The following CCNY variants were observed in gnomAD, a reference collection of about 807,000 sequenced individuals.
The protein encoded by CCNY is cyclin-Y.
In CCNY, 19 loss-of-function variants were observed where a neutral mutation model predicts 42.8. That is an observed-to-expected ratio of 0.44 (90% confidence interval 0.31 to 0.65). CCNY has a LOEUF of 0.65. CCNY is among the 30% of genes least tolerant of loss of function. The pLI is 0.07. For synonymous variants in CCNY, 165 were observed against 162.7 expected, an observed-to-expected ratio of 1.01 and a Z score of -0.11; for missense variants, 370 against 437.3, an observed-to-expected ratio of 0.85 and a Z score of 1.37.
chr10:35,392,240 TTTA>T (rs1226872271), intron 1 of CCNY, among the ~76,000 whole-genome samples: 6 of 152,190 alleles, frequency 3.9e-5, no homozygotes, highest in Admixed American at 2.6e-4. Context: ...TCTGTGGAGT[TTTA>T]TTAACTCATT....
chr10:35,333,332 T>A (rs928563249), upstream of CCNY, among the ~76,000 whole-genome samples: 4 of 152,196 alleles, frequency 2.6e-5, no homozygotes, highest in African/African-American at 4.8e-5. Context: ...AGGTTATTTC[T>A]GCATATGGCT....
intron 2 of CCNY, among the ~76,000 whole-genome samples, chr10:35,484,083 A>C (rs1335849035): frequency 6.6e-6 from 1 of 152,178 alleles, no homozygotes; most frequent in Non-Finnish European, 1.5e-5. Flanking sequence ...CATTGGCTGC[A>C]GAGGAGAGAG....
At chr10:35,481,233 C>T (rs1839662005) in intron 1 of CCNY, among the ~76,000 whole-genome samples, 1 of 152,098 alleles carries the variant, frequency 6.6e-6, no homozygotes, top group Non-Finnish European at 1.5e-5. Flanking sequence ...CTATTATTTA[C>T]TATTAAAAGT....
intron 1 of CCNY, among the ~76,000 whole-genome samples, chr10:35,465,390 A>G (rs1028521051): frequency 6.6e-6 from 1 of 152,076 alleles, no homozygotes; most frequent in South Asian, 2.1e-4. Context: ...TCTCTGATAC[A>G]TGATTTTTCT....
At chr10:35,351,340 A>G (rs575682515) in intron 1 of CCNY, among the ~76,000 whole-genome samples, 1 of 152,328 alleles carries the variant, frequency 6.6e-6, no homozygotes, top group South Asian at 2.1e-4. Flanking sequence ...AAGCTGCCAA[A>G]CCTTGATTAC....
chr10:35,414,260 G>T (rs1837976866), intron 1 of CCNY, among the ~76,000 whole-genome samples: 1 of 152,204 alleles, frequency 6.6e-6, no homozygotes. Flanking sequence ...CTCGTCTGAA[G>T]ACTTGCCTGG....
rs192498588 is a variant in CCNY at position 35,521,618 on chromosome 10, A to G, written c.366-4346A>G. 3.0e-4 allele frequency among the ~76,000 whole-genome samples: 46 copies of G among 152,290 alleles called. 1 individual carries two copies. Among genetic ancestry groups the G allele is most frequent in the Admixed American group, 2.9e-3 (44 of 15,302 alleles). On this transcript the variant is annotated intron_variant, in intron 4 of 9. Transcript: ENST00000374704. ...CATGGCTCCTGGGCTGTTCTCTGAGAGACTGGATCGTTCTGGCCCTGCGAA... is the reference window on the plus strand; with the variant it reads ...CATGGCTCCTGGGCTGTTCTCTGAGGGACTGGATCGTTCTGGCCCTGCGAA...
At chr10:35,276,965 C>T (rs1835246641) in intron 3 of CCNY, among the ~76,000 whole-genome samples, 1 of 152,240 alleles carries the variant, frequency 6.6e-6, no homozygotes, top group African/African-American at 2.4e-5. Context: ...CAATGGAGTG[C>T]TCCCAGACTG....
chr10:35,482,350 T>G (rs955710898), intron 1 of CCNY, among the ~76,000 whole-genome samples: 4 of 152,252 alleles, frequency 2.6e-5, no homozygotes, highest in African/African-American at 4.8e-5. Context: ...TCTAAGTTGG[T>G]TTGAAGACCA....
At chr10:35,480,094 C>T (rs187180247) in intron 1 of CCNY, among the ~76,000 whole-genome samples, 58 of 152,180 alleles carry the variant, frequency 3.8e-4, no homozygotes, top group African/African-American at 1.3e-3. Flanking sequence ...TCACCTCATC[C>T]GTGAATTTCA....
intron 1 of CCNY, among the ~76,000 whole-genome samples, chr10:35,379,336 A>T (rs1837126049): frequency 6.6e-6 from 1 of 152,030 alleles, no homozygotes; most frequent in Non-Finnish European, 1.5e-5. Flanking sequence ...GTGCCAAAGG[A>T]GGGGGCCCCA....
At chr10:35,536,803 C>T (rs186851152) in intron 7 of CCNY, among the ~76,000 whole-genome samples, 27 of 152,156 alleles carry the variant, frequency 1.8e-4, no homozygotes, top group African/African-American at 5.8e-4. Context: ...CTGTTAAAGG[C>T]GTTCAGTTTT....
chr10:35,268,605 C>A (rs906040074), intron 3 of CCNY, among the ~76,000 whole-genome samples: 11 of 152,238 alleles, frequency 7.2e-5, no homozygotes, highest in African/African-American at 2.7e-4. Flanking sequence ...CTAGCCAGGG[C>A]TCTCTGCAGT....
In CCNY at chr10:35,278,652, C is replaced by T. The variant is rs139363971; in HGVS notation, c.-9+28026C>T. ...ATGCAAGTTCAACTAAAGCTTTAGG[C>T]AATTCTATAGGGTGCTCTGGAGCTG... On this transcript the variant is annotated intron_variant, in intron 3 of 11. Transcript: ENST00000374706. Among the ~76,000 whole-genome samples, 1,245 of 152,244 alleles carry T rather than the reference C, an allele frequency of 8.2e-3. 10 individuals carry two copies. The highest frequency in any genetic ancestry group is 0.017 in the Admixed American group (259 of 15,290).
At chr10:35,452,277 TTACTAGTTTGTTC>T (rs1838935288) in intron 1 of CCNY, among the ~76,000 whole-genome samples, 6 of 152,194 alleles carry the variant, frequency 3.9e-5, no homozygotes. Flanking sequence ...ATTTCTGCAA[TTACTAGTTTGTTC>T]TATAACTAAG....
intron 1 of CCNY, among the ~76,000 whole-genome samples, chr10:35,350,278 T>C (rs900167724): frequency 3.3e-5 from 5 of 152,214 alleles, no homozygotes; most frequent in Admixed American, 6.5e-5. Context: ...TTTTTCTTCC[T>C]TTTTTATTGA....
chr10:35,337,584 GT>G, intron 1 of CCNY, among the ~76,000 whole-genome samples: 1 of 152,338 alleles, frequency 6.6e-6, no homozygotes, highest in East Asian at 1.9e-4. Flanking sequence ...CCGAAGCCAA[GT>G]TGTGCACGCG....
chr10:35,384,167 G>T (rs138146797), intron 1 of CCNY, among the ~76,000 whole-genome samples: 1 of 152,070 alleles, frequency 6.6e-6, no homozygotes, highest in African/African-American at 2.4e-5. Context: ...GTCGCAATCA[G>T]TTTAGAAGTT....
intron 3 of CCNY, among the ~76,000 whole-genome samples, chr10:35,307,719 C>T (rs1330582014): frequency 6.7e-6 from 1 of 148,592 alleles, no homozygotes. Context: ...TATATATACA[C>T]ACACACATAT....
Sources: allele counts gnomAD v4.1 joint callset (sites outside exome capture counted in the v4.1 genomes callset), GRCh38; gene constraint gnomAD v4.1.1; transcripts MANE v1.5; gene names NCBI Gene and HGNC (gene_info 2026-07-23, HGNC 2026-07-21).